The following MMRN1 variants were observed in gnomAD, a reference collection of about 807,000 sequenced individuals.
MMRN1 encodes multimerin-1.
MMRN1 carries 94 observed loss-of-function variants against 100.7 expected under a neutral mutation model. The ratio of observed to expected loss-of-function variants is 0.93; its 90% CI spans 0.79 to 1.11. MMRN1 has a LOEUF of 1.11. MMRN1 is among the 50% of genes least tolerant of loss of function. The probability of loss-of-function intolerance (pLI) is 0.00; values close to 1 mark genes in which losing one functional copy is unlikely to be tolerated. For synonymous variants in MMRN1, 575 were observed against 505.0 expected, an observed-to-expected ratio of 1.14 and a Z score of -1.86; for missense variants, 1,606 against 1,439.1, an observed-to-expected ratio of 1.12 and a Z score of -1.88.
chr4:89,888,249 C>T (rs899360446), intron 1 of MMRN1, among the ~76,000 whole-genome samples: 2 of 151,976 alleles, frequency 1.3e-5, no homozygotes, highest in Non-Finnish European at 2.9e-5. Context: ...AATTCTTTCA[C>T]GTTTTACCTA....
At chr4:89,936,979 C>T (rs34227870) in intron 6 of MMRN1, among the ~76,000 whole-genome samples, 181 bp downstream of exon 6, 5,021 of 152,076 alleles carry the variant, frequency 0.033, 114 homozygotes, top group Non-Finnish European at 0.046. Context: ...GTATTTCAGA[C>T]ATCAATACAA....
At position 89,935,536 on chromosome 4, in the gene MMRN1, A is replaced by G; in HGVS notation, c.1856A>G (p.Gln619Arg). ...DTEENLHVLN[Q>R]TLAEVLFPMD... ...GAAGAGAATTTACATGTGTTAAATC[A>G]AACATTGGCTGAAGTTCTCTTTCCA... Residue 619 changes from glutamine to arginine, a missense_variant, in exon 6 of 8, where the codon CAA becomes CGA. Coordinates refer to ENST00000264790, the MANE Select transcript of MMRN1 (RefSeq NM_007351.3). 3 of 1,613,168 alleles carry G rather than the reference A, an allele frequency of 1.9e-6. No homozygotes were observed. The highest frequency in any genetic ancestry group is 2.5e-6 in the Non-Finnish European group (3 of 1,179,650).
intron 6 of MMRN1, among the ~76,000 whole-genome samples, chr4:89,942,275 T>A (rs1578501748): frequency 6.6e-6 from 1 of 152,284 alleles, no homozygotes; most frequent in African/African-American, 2.4e-5. Context: ...TCTTAACTTG[T>A]CTGTAAATTA....
At chr4:89,904,793 G>A (rs910672757) in intron 1 of MMRN1, among the ~76,000 whole-genome samples, 1 of 151,606 alleles carries the variant, frequency 6.6e-6, no homozygotes, top group Non-Finnish European at 1.5e-5. Flanking sequence ...TCTGACTAGT[G>A]TTGCTATCTA....
intron 6 of MMRN1, among the ~76,000 whole-genome samples, chr4:89,947,652 A>C (rs1371245282): frequency 6.6e-6 from 1 of 152,164 alleles, no homozygotes; most frequent in Admixed American, 6.5e-5. Flanking sequence ...AGAGAACTAA[A>C]GTGATTTACT....
upstream of MMRN1, chr4:89,894,718 C>A: frequency 2.9e-6 from 1 of 345,410 alleles, no homozygotes; most frequent in Non-Finnish European, 5.2e-6. Flanking sequence ...TCCCATTTAC[C>A]CTTAGCTTTG....
At chr4:89,933,184 C>T (rs1287080745) in intron 5 of MMRN1, among the ~76,000 whole-genome samples, 1 of 152,160 alleles carries the variant, frequency 6.6e-6, no homozygotes, top group Admixed American at 6.5e-5. Flanking sequence ...AAAATGCCAC[C>T]AGTCTCTTTG....
chr4:89,930,883 C>A (rs1249087109), intron 5 of MMRN1, among the ~76,000 whole-genome samples: 1 of 151,948 alleles, frequency 6.6e-6, no homozygotes, highest in Non-Finnish European at 1.5e-5. Context: ...GATAAAAATG[C>A]TTTAAAGCCT....
intron 1 of MMRN1, among the ~76,000 whole-genome samples, chr4:89,879,826 A>C (rs548579319): frequency 6.6e-6 from 1 of 152,306 alleles, no homozygotes; most frequent in African/African-American, 2.4e-5. Flanking sequence ...AGAATTCAAC[A>C]AGACATGTGA....
rs1353024160 is a variant in MMRN1, at chr4:89,918,646, A to G, written c.851-4522A>G. ...AGAAAAGATTTCAAGTGTTTACTTGATAACACATTATACTTTCAGTCAGAA... is the reference window on the plus strand; with the variant it reads ...AGAAAAGATTTCAAGTGTTTACTTGGTAACACATTATACTTTCAGTCAGAA... On this transcript the variant is annotated intron_variant, in intron 3 of 7. Coordinates refer to ENST00000264790, the MANE Select transcript of MMRN1 (RefSeq NM_007351.3). 3.3e-5 allele frequency among the ~76,000 whole-genome samples: 5 copies of G among 151,900 alleles called. No individual in the cohort carries two copies. In the East Asian group the frequency reaches 9.6e-4, roughly 29 times the overall value.
At chr4:89,900,598 C>T (rs1309348347) in intron 1 of MMRN1, among the ~76,000 whole-genome samples, 4 of 151,752 alleles carry the variant, frequency 2.6e-5, no homozygotes, top group Non-Finnish European at 2.9e-5. Context: ...TATGTCTTTC[C>T]GCAATACATC....
chr4:89,922,480 A>G (rs1024782120), intron 3 of MMRN1, among the ~76,000 whole-genome samples: 2 of 152,202 alleles, frequency 1.3e-5, no homozygotes, highest in Admixed American at 1.3e-4. Context: ...CATTTAAAAT[A>G]TTATTTGATT....
intron 1 of MMRN1, among the ~76,000 whole-genome samples, chr4:89,889,765 C>T (rs538055623): frequency 3.3e-5 from 5 of 152,180 alleles, no homozygotes; most frequent in African/African-American, 1.2e-4. Flanking sequence ...GGGAATTCCT[C>T]CCTCACCAAT....
In MMRN1 at chr4:89,935,877, A is replaced by C; in HGVS notation, c.2197A>C (p.Thr733Pro). ...EMEDGLNKTM[T>P]IINNAIDFIQ... ...GGAAGATGGCCTCAATAAGACAATG[A>C]CTATTATAAATAATGCTATTGATTT... Residue 733 changes from threonine (T) to proline (P), a missense_variant, in exon 6 of 8, where the codon ACT (threonine) becomes CCT (proline). Thr to Pro is a conservative substitution (Grantham distance 38). Coordinates refer to ENST00000264790, the MANE Select transcript of MMRN1 (RefSeq NM_007351.3). 6.2e-7 allele frequency: 1 copy of C among 1,610,660 alleles called. No individual in the cohort carries two copies. Among genetic ancestry groups the C allele is most frequent in the Non-Finnish European group, 8.5e-7 (1 of 1,178,402 alleles).
intron 3 of MMRN1, among the ~76,000 whole-genome samples, chr4:89,921,010 G>A (rs1387384372): frequency 6.6e-6 from 1 of 151,984 alleles, no homozygotes; most frequent in South Asian, 2.1e-4. Flanking sequence ...TATAATAAAA[G>A]TTAATGATAG....
intron 1 of MMRN1, among the ~76,000 whole-genome samples, chr4:89,898,936 T>G (rs866795317): frequency 1.8e-4 from 28 of 152,234 alleles, no homozygotes; most frequent in African/African-American, 6.3e-4. Context: ...GTCTCTGGTT[T>G]ATAGCAGGTA....
intron 7 of MMRN1, among the ~76,000 whole-genome samples, chr4:89,952,649 A>G (rs1476732400): frequency 6.6e-6 from 1 of 152,206 alleles, no homozygotes; most frequent in Non-Finnish European, 1.5e-5. Flanking sequence ...ACATTCTGAC[A>G]TAACCATAAT....
At chr4:89,925,687 A>G (rs1722233046) in intron 4 of MMRN1, among the ~76,000 whole-genome samples, 1 of 151,952 alleles carries the variant, frequency 6.6e-6, no homozygotes, top group South Asian at 2.1e-4. Context: ...AAAATTAGCC[A>G]CACGTGGTGG....
At chr4:89,920,065 C>A (rs184418230) in intron 3 of MMRN1, among the ~76,000 whole-genome samples, 7 of 152,232 alleles carry the variant, frequency 4.6e-5, no homozygotes, top group Admixed American at 4.6e-4. Context: ...GAATTCCATT[C>A]ATCACATATC....
Sources: allele counts gnomAD v4.1 joint callset (sites outside exome capture counted in the v4.1 genomes callset), GRCh38; gene constraint gnomAD v4.1.1; transcripts MANE v1.5; gene names NCBI Gene and HGNC (gene_info 2026-07-23, HGNC 2026-07-21).